SLC38A9: variants seen among roughly 807,000 people sequenced by gnomAD.
SLC38A9 encodes neutral amino acid transporter 9.
A neutral mutation model predicts 62.3 loss-of-function variants in SLC38A9; 48 were observed. The ratio of observed to expected loss-of-function variants is 0.77; its 90% CI spans 0.61 to 0.98. The LOEUF (loss-of-function observed/expected upper bound fraction) is 0.98. Among genes scored for constraint, SLC38A9 ranks in the 50% least tolerant of loss-of-function variants. The probability of loss-of-function intolerance (pLI) is 0.00; values close to 1 mark genes in which losing one functional copy is unlikely to be tolerated. For missense variants in SLC38A9, 541 were observed against 679.8 expected (o/e 0.80, Z 2.27); for synonymous variants, 204 against 227.7 (o/e 0.90, Z 0.94).
Position 55,680,847 on chromosome 5 carries a change from A to G in SLC38A9, c.114-8152T>C, listed in dbSNP as rs557099042. 9.4e-4 allele frequency among the ~76,000 whole-genome samples: 143 copies of G among 152,362 alleles called. 1 individual carries two copies. Among genetic ancestry groups the G allele is most frequent in the Middle Eastern group, 6.8e-3 (2 of 294 alleles). ...TGGCTGTATTTTCAATCCAGATGGCAAATATTGTAGTAGCCTGATCAGAAT... is the reference window on the plus strand; with the variant it reads ...TGGCTGTATTTTCAATCCAGATGGCGAATATTGTAGTAGCCTGATCAGAAT... On this transcript the variant is annotated intron_variant, in intron 3 of 15. Coordinates refer to ENST00000396865, the MANE Select transcript of SLC38A9 (RefSeq NM_173514.4).
At chr5:55,631,860 C>T (rs998710222) in intron 14 of SLC38A9, among the ~76,000 whole-genome samples, 20 of 151,116 alleles carry the variant, frequency 1.3e-4, no homozygotes, top group Non-Finnish European at 1.8e-4. Context: ...TAAGATGAAC[C>T]TATAAAAAGA....
intron 9 of SLC38A9, among the ~76,000 whole-genome samples, chr5:55,655,514 G>A (rs1748247483): frequency 6.6e-6 from 1 of 152,102 alleles, no homozygotes; most frequent in South Asian, 2.1e-4. Context: ...ATAATTCAAA[G>A]GTATATGTGT....
intron 2 of SLC38A9, among the ~76,000 whole-genome samples, chr5:55,710,086 G>GAA (rs11394301): frequency 1.6e-4 from 19 of 118,898 alleles, no homozygotes; most frequent in Middle Eastern, 4.6e-3. Flanking sequence ...AAAAAAAAAA[G>GAA]AAAAAAAAAA....
chr5:55,651,799 G>A (rs1229577051), intron 10 of SLC38A9, among the ~76,000 whole-genome samples: 1 of 152,120 alleles, frequency 6.6e-6, no homozygotes, highest in Non-Finnish European at 1.5e-5. Flanking sequence ...ACTTTCCTTA[G>A]TAAGTTCTGT....
chr5:55,651,773 G>A (rs975864497), intron 10 of SLC38A9, among the ~76,000 whole-genome samples: 1 of 151,900 alleles, frequency 6.6e-6, no homozygotes, highest in Middle Eastern at 3.2e-3. Context: ...GAGACTGTAG[G>A]AAAAAACATT....
chr5:55,646,341 A>G (rs1049804193), intron 11 of SLC38A9, among the ~76,000 whole-genome samples: 1 of 152,184 alleles, frequency 6.6e-6, no homozygotes. Flanking sequence ...ATTACACTGC[A>G]GCCTGGGTGA....
chr5:55,662,257 G>A (rs1277916699), intron 8 of SLC38A9, among the ~76,000 whole-genome samples: 1 of 152,132 alleles, frequency 6.6e-6, no homozygotes, highest in Non-Finnish European at 1.5e-5. Context: ...GTTTATCAAC[G>A]AGAACAGATA....
intron 7 of SLC38A9, among the ~76,000 whole-genome samples, chr5:55,665,546 CAA>C (rs112929342): frequency 5.5e-5 from 5 of 91,486 alleles, no homozygotes; most frequent in Admixed American, 2.4e-4. Context: ...GACTCCATCT[CAA>C]AAAAAAAAAA....
intron 15 of SLC38A9, among the ~76,000 whole-genome samples, chr5:55,627,579 A>C (rs888420074): frequency 1.3e-5 from 2 of 152,106 alleles, no homozygotes; most frequent in African/African-American, 4.8e-5. Flanking sequence ...AAAGTTATAC[A>C]TATATTAAAA....
chr5:55,635,554 C>G lies in SLC38A9; in HGVS notation c.1271G>C (p.Cys424Ser). 2 of 1,611,750 alleles carry G rather than the reference C, an allele frequency of 1.2e-6. No homozygotes were observed. The highest frequency in any genetic ancestry group is 1.7e-6 in the Non-Finnish European group (2 of 1,177,916). ...TACACGGTGCCTTACCTGCTCAATA[C>G]AATCTTTGGATAATGGTGGTGAAGG... ...SFPSPPLSKD[C>S]IEQNFLDNFP... is the part of the protein sequence containing the mutation. The change falls in exon 13 of 16, where the codon TGT (cysteine) becomes TCT (serine). Residue 424 changes from cysteine (C) to serine (S), a missense_variant. Coordinates refer to ENST00000396865, the MANE Select transcript of SLC38A9 (RefSeq NM_173514.4).
intron 7 of SLC38A9, among the ~76,000 whole-genome samples, chr5:55,666,980 A>G (rs997950475): frequency 6.7e-6 from 1 of 150,226 alleles, no homozygotes; most frequent in Non-Finnish European, 1.5e-5. Context: ...GCGCCACTGC[A>G]CTCCAGCCTG....
intron 3 of SLC38A9, among the ~76,000 whole-genome samples, chr5:55,684,225 T>C (rs1753429498): frequency 6.6e-6 from 1 of 152,244 alleles, no homozygotes; most frequent in Non-Finnish European, 1.5e-5. Flanking sequence ...CTGGATCACC[T>C]GTAAGTCTCT....
At chr5:55,689,197 T>C (rs1403130918) in intron 3 of SLC38A9, among the ~76,000 whole-genome samples, 3 of 152,222 alleles carry the variant, frequency 2.0e-5, no homozygotes, top group Non-Finnish European at 4.4e-5. Flanking sequence ...GGGCTTTTTA[T>C]AAGTATAGCA....
intron 12 of SLC38A9, among the ~76,000 whole-genome samples, chr5:55,638,999 T>A (rs1029090588): frequency 6.6e-6 from 1 of 152,096 alleles, no homozygotes; most frequent in East Asian, 1.9e-4. Context: ...CCTAATCCCC[T>A]TTTTTTGGTA....
At chr5:55,661,861 A>G (rs1225722266) in intron 8 of SLC38A9, among the ~76,000 whole-genome samples, 1 of 152,226 alleles carries the variant, frequency 6.6e-6, no homozygotes, top group Non-Finnish European at 1.5e-5. Flanking sequence ...CCCGATAGAA[A>G]AATGGGCAAA....
intron 12 of SLC38A9, among the ~76,000 whole-genome samples, 197 bp from the exon 13 acceptor site, chr5:55,635,854 AT>A (rs1230872569): frequency 3.3e-5 from 5 of 152,198 alleles, no homozygotes; most frequent in African/African-American, 9.6e-5. Context: ...TAGTCTGGCA[AT>A]TTTTTTTAAA....
chr5:55,643,117 T>C (rs2042308), intron 12 of SLC38A9, among the ~76,000 whole-genome samples: 90,473 of 152,026 alleles, frequency 0.6, 27,599 homozygotes, highest in South Asian at 0.7. Context: ...TGGTTAACTT[T>C]TGTTTGCCTT....
At chr5:55,709,926 G>C (rs939402191) in intron 2 of SLC38A9, among the ~76,000 whole-genome samples, 2 of 151,410 alleles carry the variant, frequency 1.3e-5, no homozygotes, top group African/African-American at 4.8e-5. Flanking sequence ...AAAATTAGCC[G>C]GGTATGGTGG....
At chr5:55,680,660 C>G (rs1260858219) in intron 3 of SLC38A9, among the ~76,000 whole-genome samples, 1 of 95,194 alleles carries the variant, frequency 1.1e-5, no homozygotes, top group East Asian at 2.5e-4. Context: ...TTACACAGCA[C>G]CAAATGGACA....
Sources: gnomAD v4.1 joint callset for allele counts (sites outside exome capture counted in the v4.1 genomes callset) on GRCh38, gnomAD v4.1.1 for gene constraint, MANE v1.5 for transcripts, NCBI Gene and HGNC (gene_info 2026-07-23, HGNC 2026-07-21) for gene names.